Variants in ADGRL3 observed in about 807,000 individuals in gnomAD.
ADGRL3 encodes calcium-independent alpha-latrotoxin receptor 3.
In ADGRL3, 62 loss-of-function variants were observed where a neutral mutation model predicts 153.5. The ratio of observed to expected loss-of-function variants is 0.40; its 90% CI spans 0.33 to 0.50. ADGRL3 has a LOEUF of 0.50. Among genes scored for constraint, ADGRL3 ranks in the 20% least tolerant of loss-of-function variants. The pLI is 0.47. For missense variants in ADGRL3, 1,641 were observed against 1,859.4 expected, an observed-to-expected ratio of 0.88 and a Z score of 2.16; for synonymous variants, 710 against 672.5, an observed-to-expected ratio of 1.06 and a Z score of -0.86.
At chr4:61,273,572 GA>G in intron 1 of ADGRL3, among the ~76,000 whole-genome samples, 1 of 151,790 alleles carries the variant, frequency 6.6e-6, no homozygotes, top group South Asian at 2.1e-4. Context: ...AAAAGAAAAA[GA>G]AAAAAGAAGA....
At chr4:61,291,218 G>GCACACACACACACA (rs765771949) in intron 1 of ADGRL3, among the ~76,000 whole-genome samples, 3 of 134,084 alleles carry the variant, frequency 2.2e-5, no homozygotes, top group South Asian at 2.5e-4. Flanking sequence ...ACACACACAC[G>GCACACACACACACA]CACACACACA....
intron 8 of ADGRL3, among the ~76,000 whole-genome samples, chr4:61,768,050 G>C (rs533414570): frequency 6.6e-6 from 1 of 152,208 alleles, no homozygotes; most frequent in South Asian, 2.1e-4. Flanking sequence ...GCTGTAAAGT[G>C]TCTCAGGGTT....
chr4:61,821,251 A>T (rs956792553), intron 9 of ADGRL3, among the ~76,000 whole-genome samples: 2 of 151,346 alleles, frequency 1.3e-5, no homozygotes, highest in African/African-American at 4.8e-5. Flanking sequence ...CATACTAATG[A>T]TGCTATTTTG....
At chr4:61,375,377 C>A (rs1039482534) in intron 1 of ADGRL3, among the ~76,000 whole-genome samples, 1 of 152,056 alleles carries the variant, frequency 6.6e-6, no homozygotes, top group African/African-American at 2.4e-5. Flanking sequence ...TTAAGTAGAG[C>A]ATTTCTGCTT....
At chr4:61,921,541 G>A (rs1031283176) in intron 13 of ADGRL3, among the ~76,000 whole-genome samples, 2 of 152,108 alleles carry the variant, frequency 1.3e-5, no homozygotes, top group Non-Finnish European at 2.9e-5. Context: ...CCAAGTAGCT[G>A]GGATTACAGG....
At chr4:61,272,063 A>C (rs978623932) in intron 1 of ADGRL3, among the ~76,000 whole-genome samples, 3 of 152,028 alleles carry the variant, frequency 2.0e-5, no homozygotes, top group Non-Finnish European at 4.4e-5. Context: ...ATCAATTCAC[A>C]GTCAGTTCCA....
chr4:61,911,639 C>A (rs2098722375), intron 12 of ADGRL3, among the ~76,000 whole-genome samples: 1 of 152,136 alleles, frequency 6.6e-6, no homozygotes, highest in Non-Finnish European at 1.5e-5. Flanking sequence ...AACCACGATG[C>A]AAGTCAGTGA....
intron 21 of ADGRL3, among the ~76,000 whole-genome samples, chr4:62,010,335 A>G (rs1020441502): frequency 6.6e-6 from 1 of 152,070 alleles, no homozygotes; most frequent in Non-Finnish European, 1.5e-5. Context: ...ACACCTAGTC[A>G]TCTCATTCGT....
At chr4:61,262,863 T>C (rs1050647875) in intron 1 of ADGRL3, among the ~76,000 whole-genome samples, 8 of 152,090 alleles carry the variant, frequency 5.3e-5, no homozygotes, top group Admixed American at 2.0e-4. Context: ...CAGCCACTCT[T>C]TAAAAACTGC....
At chr4:61,769,779 G>A (rs370904349) in intron 8 of ADGRL3, among the ~76,000 whole-genome samples, 9 of 150,944 alleles carry the variant, frequency 6.0e-5, no homozygotes, top group Admixed American at 4.0e-4. Flanking sequence ...AGTGGGGGTC[G>A]CAAGGTGCTC....
At chr4:61,973,130 G>C (rs1363412860) in intron 17 of ADGRL3, among the ~76,000 whole-genome samples, 1 of 151,702 alleles carries the variant, frequency 6.6e-6, no homozygotes, top group Non-Finnish European at 1.5e-5. Flanking sequence ...CTCGTTTGCT[G>C]ACTTGCTTTT....
chr4:61,360,497 A>T (rs943702283), intron 1 of ADGRL3, among the ~76,000 whole-genome samples: 16 of 152,148 alleles, frequency 1.1e-4, no homozygotes, highest in Non-Finnish European at 1.8e-4. Flanking sequence ...GCTCAAATTT[A>T]AAAAAATTCC....
At chr4:61,436,280 A>C (rs1431320633) in intron 2 of ADGRL3, among the ~76,000 whole-genome samples, 4 of 152,214 alleles carry the variant, frequency 2.6e-5, no homozygotes, top group Admixed American at 2.6e-4. Context: ...GATCCAAAAA[A>C]ATCAGTGTTA....
intron 1 of ADGRL3, among the ~76,000 whole-genome samples, chr4:61,219,688 T>C (rs1311025145): frequency 6.6e-6 from 1 of 152,200 alleles, no homozygotes; most frequent in Non-Finnish European, 1.5e-5. Context: ...ATAATGTAAA[T>C]ATTTTATTTT....
intron 5 of ADGRL3, among the ~76,000 whole-genome samples, chr4:61,625,897 T>A (rs779739256): frequency 2.6e-5 from 4 of 152,110 alleles, no homozygotes; most frequent in Non-Finnish European, 4.4e-5. Context: ...TCATTAGCAG[T>A]GTTCTCTTTT....
rs573097124 is a variant in ADGRL3 at position 61,437,320 on chromosome 4, C to T, written c.-174+54131C>T. On this transcript the variant is annotated intron_variant, in intron 2 of 26. Transcript: ENST00000683033. Reference sequence around the variant, plus strand: ...AGGCTACCTGTTGGAAATTTGAAAACATTCTAAAAATATTCTTTGCATTTT... The same window carrying T: ...AGGCTACCTGTTGGAAATTTGAAAATATTCTAAAAATATTCTTTGCATTTT... Among the ~76,000 whole-genome samples the T allele has an allele frequency of 2.0e-5, 3 of 152,110 alleles. No homozygotes were observed. The South Asian group carries it at 6.2e-4, about 32-fold the overall frequency.
At chr4:62,005,456 C>T (rs561989550) in intron 21 of ADGRL3, among the ~76,000 whole-genome samples, 117 of 152,238 alleles carry the variant, frequency 7.7e-4, no homozygotes, top group African/African-American at 2.7e-3. Context: ...ATTATAGTTT[C>T]ACTTTTCCCC....
chr4:61,954,790 T>A (rs775992210), intron 17 of ADGRL3, among the ~76,000 whole-genome samples: 1 of 152,160 alleles, frequency 6.6e-6, no homozygotes, highest in East Asian at 1.9e-4. Flanking sequence ...TGCTCAAATA[T>A]TACCTACTCA....
intron 5 of ADGRL3, among the ~76,000 whole-genome samples, chr4:61,595,149 G>C (rs1331671883): frequency 1.3e-5 from 2 of 152,176 alleles, no homozygotes; most frequent in Admixed American, 1.3e-4. Flanking sequence ...GGGCCTGATT[G>C]CTACCCTATC....
Sources: allele counts gnomAD v4.1 joint callset (sites outside exome capture counted in the v4.1 genomes callset), GRCh38; gene constraint gnomAD v4.1.1; transcripts MANE v1.5; gene names NCBI Gene and HGNC (gene_info 2026-07-23, HGNC 2026-07-21).